Variants in MCMDC2 observed in about 807,000 individuals in gnomAD.
MCMDC2 encodes the protein minichromosome maintenance domain containing 2.
A neutral mutation model predicts 75.8 loss-of-function variants in MCMDC2; 54 were observed. The ratio of observed to expected loss-of-function variants is 0.71; its 90% CI spans 0.57 to 0.89. MCMDC2 has a LOEUF of 0.89. MCMDC2 is among the 40% of genes least tolerant of loss of function. The probability of loss-of-function intolerance (pLI) is 0.00; values close to 1 mark genes in which losing one functional copy is unlikely to be tolerated. For missense variants in MCMDC2, 656 were observed against 780.4 expected (o/e 0.84, Z 1.90); for synonymous variants, 249 against 274.6 (o/e 0.91, Z 0.92).
chr8:66,904,098 G>T (rs1461804760), intron 13 of MCMDC2, among the ~76,000 whole-genome samples: 1 of 152,070 alleles, frequency 6.6e-6, no homozygotes, highest in Admixed American at 6.6e-5. Flanking sequence ...TAATAATACT[G>T]AGAGTTGGGG....
intron 4 of MCMDC2, among the ~76,000 whole-genome samples, chr8:66,875,982 A>T (rs1054916010): frequency 6.6e-6 from 1 of 152,226 alleles, no homozygotes; most frequent in East Asian, 1.9e-4. Flanking sequence ...ACAAGAATAC[A>T]TAATAGTATA....
rs191350930 is a variant in MCMDC2, at chr8:66,878,571, C to G, written c.482-3C>G. 31 of 1,569,522 alleles carry G rather than the reference C, an allele frequency of 2.0e-5. No individual in the cohort carries two copies. Among genetic ancestry groups the G allele is most frequent in the Non-Finnish European group, 2.7e-5 (31 of 1,162,746 alleles). On this transcript the variant is annotated splice_polypyrimidine_tract_variant and splice_region_variant and intron_variant, in intron 5 of 14. Coordinates refer to ENST00000422365, the MANE Select transcript of MCMDC2 (RefSeq NM_173518.5). ...AATGTATGTTACCACTGTTTTCTTT[C>G]AGGATTTCAGTATATAAGAGTGCAT...
In MCMDC2 at chr8:66,899,228, G is replaced by C. The variant is rs567937801; in HGVS notation, c.1627-1978G>C. ...CTTTATAATGTCCTCCCCGACTTCT[G>C]CCTCAATTACTCATGTGATGTGGAC... On this transcript the variant is annotated intron_variant, in intron 12 of 14. Transcript: ENST00000422365. Among the ~76,000 whole-genome samples, 11 of 152,220 alleles carry C rather than the reference G, an allele frequency of 7.2e-5. No homozygotes were observed. In the South Asian group the frequency reaches 2.3e-3, roughly 32 times the overall value.
At chr8:66,907,191 G>C (rs188963820) in intron 14 of MCMDC2, among the ~76,000 whole-genome samples, 1 of 151,904 alleles carries the variant, frequency 6.6e-6, no homozygotes, top group African/African-American at 2.4e-5. Context: ...TTTAAGCCCC[G>C]CATGGTATTT....
intron 10 of MCMDC2, among the ~76,000 whole-genome samples, chr8:66,894,355 C>T (rs181351314): frequency 6.6e-6 from 1 of 152,298 alleles, no homozygotes; most frequent in East Asian, 1.9e-4. Flanking sequence ...TGGTTGCTTC[C>T]CTGTATTTGC....
At chr8:66,885,706 A>C (rs1811806229) in intron 9 of MCMDC2, among the ~76,000 whole-genome samples, 1 of 151,914 alleles carries the variant, frequency 6.6e-6, no homozygotes, top group Non-Finnish European at 1.5e-5. Context: ...TTTAACATAC[A>C]CTCCTTTAAT....
rs185683599 is a variant in MCMDC2, at chr8:66,919,950, T to C, written c.*781T>C. The C allele has an allele frequency of 1.3e-5, 2 of 152,276 alleles. No individual in the cohort carries two copies. Among genetic ancestry groups the C allele is most frequent in the Admixed American group, 1.3e-4 (2 of 15,292 alleles). The allele number at this position is 152,276 out of a possible 1,614,324, so 9.4% of individuals were successfully genotyped here. On this transcript the variant is annotated 3_prime_UTR_variant, in exon 15 of 15. Transcript: ENST00000422365. ...GATAGGGGCACCATGAGAAAACAAA[T>C]CCATCTTGTAAAATTTATAAATCCT...
In MCMDC2 at chr8:66,894,674, A is replaced by T. The variant is rs566223466; in HGVS notation, c.1280-1496A>T. Reference sequence around the variant, plus strand: ...AATATAAAGATAAAAGGTAAAATTTATGTCAATATAAAATTTTAATTTTTC... The same window carrying T: ...AATATAAAGATAAAAGGTAAAATTTTTGTCAATATAAAATTTTAATTTTTC... On this transcript the variant is annotated intron_variant, in intron 10 of 14. Transcript: ENST00000422365. 1.2e-4 allele frequency among the ~76,000 whole-genome samples: 18 copies of T among 152,338 alleles called. 1 individual carries two copies. In the South Asian group the frequency reaches 3.7e-3, roughly 32 times the overall value.
intron 7 of MCMDC2, 25 bp downstream of exon 7, chr8:66,878,944 A>G: frequency 7.0e-7 from 1 of 1,422,628 alleles, no homozygotes. Context: ...TTTGAACTAA[A>G]AAAAAATTGC....
downstream of MCMDC2, chr8:66,922,301 T>C (rs1813574624): frequency 6.6e-6 from 2 of 301,090 alleles, no homozygotes; most frequent in Admixed American, 9.0e-5. Flanking sequence ...TCAGCAGACA[T>C]AGTTGCTTGA....
At chr8:66,881,914 A>G (rs976701770) in intron 8 of MCMDC2, among the ~76,000 whole-genome samples, 1 of 152,232 alleles carries the variant, frequency 6.6e-6, no homozygotes. Context: ...AATCTTGAAT[A>G]GAGTTGGATT....
intron 10 of MCMDC2, among the ~76,000 whole-genome samples, chr8:66,893,763 G>T (rs779567434): frequency 6.6e-6 from 1 of 152,012 alleles, no homozygotes; most frequent in Non-Finnish European, 1.5e-5. Flanking sequence ...GTTGATTTTT[G>T]ACTACAGCAC....
chr8:66,917,231 G>A (rs1813356099), intron 14 of MCMDC2, among the ~76,000 whole-genome samples: 1 of 152,128 alleles, frequency 6.6e-6, no homozygotes, highest in Non-Finnish European at 1.5e-5. Flanking sequence ...AGAAGATCAG[G>A]TAGGAAAGGA....
At position 66,874,081 on chromosome 8, in the gene MCMDC2, C is replaced by T; in HGVS notation, c.-60C>T. On this transcript the variant is annotated 5_prime_UTR_variant, in exon 2 of 15. Transcript: ENST00000422365. ...TTCACATCCTTTCTATGAGTTTCGC[C>T]ATCTATAGCTTTTATCAACAATTGT... 4 of 1,172,534 alleles carry T rather than the reference C, an allele frequency of 3.4e-6. No homozygotes were observed. The highest frequency in any genetic ancestry group is 4.7e-6 in the Non-Finnish European group (4 of 842,522). 72.6% of individuals were successfully genotyped at this position (1,172,534 alleles called of 1,614,324 possible).
At chr8:66,879,145 C>T (rs1478514905) in intron 7 of MCMDC2, among the ~76,000 whole-genome samples, 3 of 152,062 alleles carry the variant, frequency 2.0e-5, no homozygotes, top group Non-Finnish European at 4.4e-5. Context: ...TGTCTGTAGT[C>T]CTAGCTACCT....
Position 66,905,303 on chromosome 8 carries a change from T to C in MCMDC2, c.1847T>C (p.Leu616Ser). 6.7e-7 allele frequency: 1 copy of C among 1,487,254 alleles called. No individual in the cohort carries two copies. The highest frequency in any genetic ancestry group is 2.6e-5 in the East Asian group (1 of 38,032). The allele number at this position is 1,487,254 out of a possible 1,614,324, so 92.1% of individuals were successfully genotyped here. A position where few individuals can be genotyped will look rare whatever the true frequency, so the allele number is the denominator to read the frequency against. Residue 616 changes from leucine to serine, a missense_variant, in exon 14 of 15, where the codon TTA becomes TCA. Leu to Ser is a moderately radical substitution (Grantham distance 145). Coordinates refer to ENST00000422365, the MANE Select transcript of MCMDC2 (RefSeq NM_173518.5). ...VLKEDVLIAALLFETSLTLKY... is the reference protein window; with the variant it reads ...VLKEDVLIAASLFETSLTLKY... ...AAAGAAGATGTGCTGATTGCAGCCT[T>C]ACTATTTGAAACATCCCTCACATTG...
At chr8:66,888,680 T>C (rs565760693) in intron 9 of MCMDC2, among the ~76,000 whole-genome samples, 16 of 152,358 alleles carry the variant, frequency 1.1e-4, no homozygotes, top group Admixed American at 8.5e-4. Context: ...TATGAATATA[T>C]AGAAATACAA....
intron 1 of MCMDC2, among the ~76,000 whole-genome samples, 194 bp downstream of exon 1, chr8:66,871,025 C>T (rs538977228): frequency 2.0e-4 from 30 of 152,340 alleles, no homozygotes; most frequent in East Asian, 7.7e-4. Flanking sequence ...GCCTGTTCCA[C>T]GTGCAGCAAC....
intron 9 of MCMDC2, among the ~76,000 whole-genome samples, chr8:66,890,171 G>T (rs1299329994): frequency 6.6e-6 from 1 of 152,128 alleles, no homozygotes. Context: ...GGTTGAGGCA[G>T]TTCTCCTGCC....
Sources: gnomAD v4.1 joint callset for allele counts (sites outside exome capture counted in the v4.1 genomes callset) on GRCh38, gnomAD v4.1.1 for gene constraint, MANE v1.5 for transcripts, NCBI Gene and HGNC (gene_info 2026-07-23, HGNC 2026-07-21) for gene names.